Variants in SLC2A9 observed in about 807,000 individuals in gnomAD.
SLC2A9 encodes the protein solute carrier family 2 member 9.
A neutral mutation model predicts 50.6 loss-of-function variants in SLC2A9; 39 were observed. The ratio of observed to expected loss-of-function variants is 0.77; its 90% CI spans 0.60 to 1.01. The LOEUF (loss-of-function observed/expected upper bound fraction) is 1.01, where lower values mean the gene tolerates loss of function less well. Ranked by LOEUF, SLC2A9 falls within the 50% of genes least tolerant of loss-of-function variation. SLC2A9 has a pLI of 0.00. For missense variants in SLC2A9, 686 were observed against 677.6 expected (o/e 1.01, Z -0.14); for synonymous variants, 324 against 276.9 (o/e 1.17, Z -1.69).
At chr4:9,994,659 G>A (rs1185027688) in intron 3 of SLC2A9, among the ~76,000 whole-genome samples, 1 of 149,914 alleles carries the variant, frequency 6.7e-6, no homozygotes, top group Admixed American at 6.7e-5. Context: ...TGGCTGAGAA[G>A]TGAGGTGTCA....
Position 9,973,710 on chromosome 4 carries a change from G to C in SLC2A9, c.681+6882C>G, listed in dbSNP as rs188405603. 4.7e-3 allele frequency among the ~76,000 whole-genome samples: 509 copies of C among 107,420 alleles called. 10 individuals are homozygous for C. In the East Asian group the frequency reaches 0.092, roughly 19 times the overall value. 70.5% of individuals were successfully genotyped at this position (107,420 alleles called of 152,430 possible). On this transcript the variant is annotated intron_variant, in intron 5 of 11. Transcript: ENST00000264784. ...GGAACATCACACACTGGGGCCTGTT[G>C]TGGGGTGGGGGGAGGGGGGAGGGAT... is the stretch of plus-strand genomic sequence containing the variant.
chr4:9,775,304 G>A, downstream of SLC2A9, among the ~76,000 whole-genome samples: 1 of 152,164 alleles, frequency 6.6e-6, no homozygotes, highest in Non-Finnish European at 1.5e-5. Context: ...AAAGACCAAA[G>A]TGGCAGCTGC....
chr4:9,865,513 C>T (rs1419568627), intron 10 of SLC2A9, among the ~76,000 whole-genome samples: 2 of 152,198 alleles, frequency 1.3e-5, no homozygotes, highest in African/African-American at 4.8e-5. Flanking sequence ...TTTAAATCTG[C>T]CTTAATAAAG....
intron 1 of SLC2A9, among the ~76,000 whole-genome samples, chr4:9,772,381 C>T (rs993156996): frequency 1.7e-4 from 26 of 152,352 alleles, no homozygotes; most frequent in South Asian, 6.2e-4. Context: ...CACATTCCTG[C>T]GACTTCCCTG....
chr4:9,782,246 G>T (rs1012374541), intron 3 of SLC2A9: 6 of 1,613,586 alleles, frequency 3.7e-6, no homozygotes, highest in South Asian at 1.1e-5. Flanking sequence ...CCACCTGCGC[G>T]CCAACATGAC....
intron 5 of SLC2A9, among the ~76,000 whole-genome samples, chr4:9,955,134 A>C (rs1466523346): frequency 1.3e-5 from 2 of 152,138 alleles, no homozygotes; most frequent in Non-Finnish European, 2.9e-5. Flanking sequence ...TGTGCATGCA[A>C]ACAGCCCAAT....
At chr4:10,007,926 G>A (rs141700398) in intron 2 of SLC2A9, among the ~76,000 whole-genome samples, 3 of 152,314 alleles carry the variant, frequency 2.0e-5, no homozygotes, top group Non-Finnish European at 2.9e-5. Context: ...GTGAAGTCCC[G>A]AGCATGATGT....
At chr4:9,935,100 C>G (rs550373748) in intron 6 of SLC2A9, among the ~76,000 whole-genome samples, 1 of 152,284 alleles carries the variant, frequency 6.6e-6, no homozygotes, top group African/African-American at 2.4e-5. Context: ...CTATTGTAAA[C>G]AGTGCTGCAA....
chr4:9,877,786 T>G (rs113565634), intron 10 of SLC2A9, among the ~76,000 whole-genome samples: 2 of 152,334 alleles, frequency 1.3e-5, no homozygotes, highest in South Asian at 2.1e-4. Context: ...TTATGTTATC[T>G]GATGCTCCTG....
chr4:10,005,905 G>A (rs1031645674), intron 2 of SLC2A9, among the ~76,000 whole-genome samples: 2 of 152,154 alleles, frequency 1.3e-5, no homozygotes, highest in Non-Finnish European at 2.9e-5. Context: ...TAACCTCTCT[G>A]CGCCTCAGGT....
At chr4:9,791,672 T>C (rs1279089924) in intron 3 of SLC2A9, among the ~76,000 whole-genome samples, 1 of 151,886 alleles carries the variant, frequency 6.6e-6, no homozygotes, top group Non-Finnish European at 1.5e-5. Flanking sequence ...GTTGTGGGAG[T>C]GTCTGACCAA....
intron 10 of SLC2A9, among the ~76,000 whole-genome samples, chr4:9,858,364 G>T (rs1731075913): frequency 6.6e-6 from 1 of 152,206 alleles, no homozygotes; most frequent in African/African-American, 2.4e-5. Context: ...GGTTCTCTTT[G>T]TTAATGGACT....
chr4:9,990,526 CA>C (rs1757517223), intron 3 of SLC2A9, among the ~76,000 whole-genome samples: 1 of 151,926 alleles, frequency 6.6e-6, no homozygotes, highest in African/African-American at 2.4e-5. Context: ...CAGAGAAGGC[CA>C]ATATTTAGTT....
At chr4:9,857,600 G>A (rs531603096) in intron 10 of SLC2A9, among the ~76,000 whole-genome samples, 4 of 152,330 alleles carry the variant, frequency 2.6e-5, no homozygotes, top group Non-Finnish European at 5.9e-5. Context: ...CTCCAGGGTG[G>A]ACTGAAGAGA....
intron 7 of SLC2A9, among the ~76,000 whole-genome samples, chr4:9,909,617 T>C (rs1372349354): frequency 6.6e-6 from 1 of 152,224 alleles, no homozygotes; most frequent in Non-Finnish European, 1.5e-5. Context: ...CATGCTTATT[T>C]TGCCTGTCCC....
chr4:10,012,332 ATTTG>A (rs1761898549), intron 2 of SLC2A9, among the ~76,000 whole-genome samples: 2 of 152,324 alleles, frequency 1.3e-5, no homozygotes, highest in South Asian at 2.1e-4. Context: ...ACAGCTGGCA[ATTTG>A]TTTGAGAGTG....
rs1005603834 is a variant in SLC2A9, at chr4:9,828,646, G to C, written c.1420-2046C>G. ...GTTCTCTCTTGCTGGAATAATCTTC[G>C]TTTAGGCCTCTGTATATCCTGCTTT... On this transcript the variant is annotated intron_variant, in intron 11 of 11. Transcript: ENST00000264784. 2.6e-5 allele frequency among the ~76,000 whole-genome samples: 4 copies of C among 152,100 alleles called. No homozygotes were observed. The South Asian group carries it at 8.3e-4, about 32-fold the overall frequency.
At chr4:10,032,526 G>A (rs1274366815) in intron 1 of SLC2A9, among the ~76,000 whole-genome samples, 1 of 152,106 alleles carries the variant, frequency 6.6e-6, no homozygotes, top group African/African-American at 2.4e-5. Flanking sequence ...GCTGGCTGCT[G>A]GGCTGTCAGG....
intron 5 of SLC2A9, among the ~76,000 whole-genome samples, chr4:9,963,916 C>G (rs1272484353): frequency 6.6e-6 from 1 of 152,214 alleles, no homozygotes; most frequent in Non-Finnish European, 1.5e-5. Context: ...TCTCATTTAA[C>G]AAACACCCAA....
Sources: gnomAD v4.1 joint callset for allele counts (sites outside exome capture counted in the v4.1 genomes callset) on GRCh38, gnomAD v4.1.1 for gene constraint, MANE v1.5 for transcripts, NCBI Gene and HGNC (gene_info 2026-07-23, HGNC 2026-07-21) for gene names.